Variants in NEUROD2 observed in about 807,000 individuals in gnomAD.
NEUROD2 encodes neuronal differentiation 2.
In NEUROD2, 5 loss-of-function variants were observed where a neutral mutation model predicts 9.3. That is an observed-to-expected ratio of 0.54 (90% CI 0.28 to 1.13). NEUROD2 has a LOEUF of 1.13. Ranked by LOEUF, NEUROD2 falls within the 50% of genes most tolerant of loss-of-function variation. The pLI, the probability that NEUROD2 is intolerant of heterozygous loss-of-function variation, is 0.10. For missense variants in NEUROD2, 376 were observed against 549.2 expected, an observed-to-expected ratio of 0.68 and a Z score of 3.15; for synonymous variants, 277 against 257.3, an observed-to-expected ratio of 1.08 and a Z score of -0.73.
Position 39,606,135 on chromosome 17 carries a change from C to T in NEUROD2, c.465G>A (p.Gln155=). 6.2e-7 allele frequency: 1 copy of T among 1,613,946 alleles called. No individual in the cohort carries two copies. The highest frequency in any genetic ancestry group is 8.5e-7 in the Non-Finnish European group (1 of 1,179,992). ...GCAGCGTCTCGATCTTGGACAGCTT[C>T]TGCGTCTTGGAGTAGCAGGGCACCA... ...RKVVPCYSKT[Q]KLSKIETLRL... The change falls in exon 2 of 2, where the codon CAG becomes CAA. Residue 155 remains glutamine, a synonymous_variant. Coordinates refer to ENST00000302584, the MANE Select transcript of NEUROD2 (RefSeq NM_006160.4). This position sits in a 1 kb window ranked among gnomAD's most constrained non-coding sequence, Gnocchi z 7.8.
In NEUROD2 at chr17:39,606,665, G is replaced by A. The variant is rs2056770213; in HGVS notation, c.-5-61C>T. 1 of 1,427,358 alleles carries A rather than the reference G, an allele frequency of 7.0e-7. No homozygotes were observed. Among genetic ancestry groups the A allele is most frequent in the African/African-American group, 1.5e-5 (1 of 67,158 alleles). 88.4% of individuals were successfully genotyped at this position (1,427,358 alleles called of 1,614,324 possible). ...CAGCACAAAGTGAGGGGCGCGCTGG[G>A]GTACCGACGCCCCCCCACAACCCTC... On this transcript the variant is annotated intron_variant, in intron 1 of 1. Coordinates refer to ENST00000302584, the MANE Select transcript of NEUROD2 (RefSeq NM_006160.4). The surrounding 1 kb of genome is among the most constrained non-coding windows in gnomAD (Gnocchi z 7.8).
In NEUROD2 at chr17:39,606,653, G is replaced by A; in HGVS notation, c.-5-49C>T. 1 of 1,456,614 alleles carries A rather than the reference G, an allele frequency of 6.9e-7. No homozygotes were observed. Among genetic ancestry groups the A allele is most frequent in the Non-Finnish European group, 9.0e-7 (1 of 1,109,218 alleles). The allele number at this position is 1,456,614 out of a possible 1,614,324, so 90.2% of individuals were successfully genotyped here. Reference sequence around the variant, plus strand: ...AGGGGAGACAGACAGCACAAAGTGAGGGGCGCGCTGGGGTACCGACGCCCC... The same window carrying A: ...AGGGGAGACAGACAGCACAAAGTGAAGGGCGCGCTGGGGTACCGACGCCCC... On this transcript the variant is annotated intron_variant, in intron 1 of 1. Transcript: ENST00000302584. The surrounding 1 kb of genome is among the most constrained non-coding windows in gnomAD (Gnocchi z 7.8).
At position 39,605,731 on chromosome 17, in the gene NEUROD2, T is replaced by C; in HGVS notation, c.869A>G (p.Tyr290Cys). The C allele has an allele frequency of 2.0e-6, 3 of 1,531,406 alleles. No homozygotes were observed. Among genetic ancestry groups the C allele is most frequent in the Admixed American group, 2.1e-5 (1 of 47,814 alleles). The allele number at this position is 1,531,406 out of a possible 1,614,324, so 94.9% of individuals were successfully genotyped here. The change falls in exon 2 of 2, where the codon TAC (tyrosine) becomes TGC (cysteine). Residue 290 changes from tyrosine to cysteine, a missense_variant. Tyr to Cys is a radical substitution (Grantham distance 194). Around this residue, in one of 3 missense-constraint regions of NEUROD2, gnomAD observed 193 missense variants for 255.8 expected, o/e 0.75. Transcript: ENST00000302584. The surrounding 1 kb of genome is among the most constrained non-coding windows in gnomAD (Gnocchi z 6.8). ...CGGGCCCTCGTACTCGGAGCTGTTGTAGTCCGGGCTCGCGCCGCCACCGCC... is the reference window on the plus strand; with the variant it reads ...CGGGCCCTCGTACTCGGAGCTGTTGCAGTCCGGGCTCGCGCCGCCACCGCC... ...AAGGGGASPD[Y>C]NSSEYEGPLS...
In NEUROD2 at chr17:39,605,030, G is replaced by T. The variant is rs1269063705; in HGVS notation, c.*421C>A. On this transcript the variant is annotated 3_prime_UTR_variant, in exon 2 of 2. Coordinates refer to ENST00000302584, the MANE Select transcript of NEUROD2 (RefSeq NM_006160.4). This position sits in a 1 kb window ranked among gnomAD's most constrained non-coding sequence, Gnocchi z 6.8. ...CTCCTTTTTGCCTCGGCAGCTGGGT[G>T]TCTGTTTTTAAAATAATAATGAGAG... is the stretch of plus-strand genomic sequence containing the variant. 1 of 154,566 alleles carries T rather than the reference G, an allele frequency of 6.5e-6. No individual in the cohort carries two copies. Among genetic ancestry groups the T allele is most frequent in the African/African-American group, 2.4e-5 (1 of 41,488 alleles). The allele number at this position is 154,566 out of a possible 1,614,324, so 9.6% of individuals were successfully genotyped here.
rs981371381 is a variant in NEUROD2, at chr17:39,606,431, G to A, written c.169C>T (p.Pro57Ser). 2.0e-6 allele frequency: 3 copies of A among 1,522,860 alleles called. No homozygotes were observed. Among genetic ancestry groups the A allele is most frequent in the South Asian group, 1.2e-5 (1 of 80,748 alleles). The allele number at this position is 1,522,860 out of a possible 1,614,324, so 94.3% of individuals were successfully genotyped here. Reference protein sequence around the residue: ...GAPGPARAAKPVPLRGEEGTE... With the variant: ...GAPGPARAAKSVPLRGEEGTE... ...CCCTCTTCTCCACGGAGAGGGACTG[G>A]CTTGGCCGCCCGGGCTGGCCCCGGA... The change falls in exon 2 of 2, where the codon CCA becomes TCA. Residue 57 changes from proline to serine, a missense_variant. By Grantham distance (74) the Pro-to-Ser change is moderately conservative. Transcript: ENST00000302584. This position sits in a 1 kb window ranked among gnomAD's most constrained non-coding sequence, Gnocchi z 7.8.
At position 39,605,568 on chromosome 17, in the gene NEUROD2, G is replaced by A. The variant is rs990661953; in HGVS notation, c.1032C>T (p.Phe344=). 1.2e-6 allele frequency: 2 copies of A among 1,613,804 alleles called. No individual in the cohort carries two copies. The highest frequency in any genetic ancestry group is 8.5e-7 in the Non-Finnish European group (1 of 1,179,902). Residue 344 remains phenylalanine (F), a synonymous_variant, in exon 2 of 2, where the codon TTC becomes TTT. Transcript: ENST00000302584. This position sits in a 1 kb window ranked among gnomAD's most constrained non-coding sequence, Gnocchi z 6.8. ...GSRPTGHGLV[F]GSSAVRGGVH... is the part of the protein sequence containing the mutation. The stretch of plus-strand genomic sequence containing the variant: ...CGCCCCCGCGCACAGCCGACGAGCC[G>A]AAGACTAGCCCGTGGCCCGTGGGCC...
Position 39,607,734 on chromosome 17 carries a change from G to T in NEUROD2, c.-12C>A. The T allele has an allele frequency of 2.2e-6, 1 of 456,586 alleles. No homozygotes were observed. Among genetic ancestry groups the T allele is most frequent in the Non-Finnish European group, 2.9e-6 (1 of 347,638 alleles). 28.3% of individuals were successfully genotyped at this position (456,586 alleles called of 1,614,324 possible). A position where few individuals can be genotyped will look rare whatever the true frequency, so the allele number is the denominator to read the frequency against. On this transcript the variant is annotated 5_prime_UTR_variant, in exon 1 of 2. Coordinates refer to ENST00000302584, the MANE Select transcript of NEUROD2 (RefSeq NM_006160.4). ...TCCCTTTCGGACAACTTACCTCGGA[G>T]AGGAGTCAAGGGGAGAGGGGAGGGG...
At position 39,605,332 on chromosome 17, in the gene NEUROD2, C is replaced by T; in HGVS notation, c.*119G>A. On this transcript the variant is annotated 3_prime_UTR_variant, in exon 2 of 2. Transcript: ENST00000302584. The surrounding 1 kb of genome is among the most constrained non-coding windows in gnomAD (Gnocchi z 6.8). Reference sequence around the variant, plus strand: ...CGCTGCCCCAGGAGAGCGGCAGGACCGGTGGCCCGCTCCCCGCGCCCGGCG... The same window carrying T: ...CGCTGCCCCAGGAGAGCGGCAGGACTGGTGGCCCGCTCCCCGCGCCCGGCG... 1.5e-6 allele frequency: 2 copies of T among 1,333,922 alleles called. No individual in the cohort carries two copies. Among genetic ancestry groups the T allele is most frequent in the Non-Finnish European group, 2.0e-6 (2 of 1,002,216 alleles). 82.6% of individuals were successfully genotyped at this position (1,333,922 alleles called of 1,614,324 possible).
chr17:39,607,599 TC>T (rs2056775107), intron 1 of NEUROD2, 128 bp downstream of exon 1: 1 of 984,156 alleles, frequency 1.0e-6, no homozygotes, highest in Admixed American at 6.2e-5. Flanking sequence ...CTGGGGCCCC[TC>T]CGATGCCCAC....
chr17:39,606,284 G>C lies in NEUROD2; in HGVS notation c.316C>G (p.Pro106Ala). Residue 106 changes from proline (P) to alanine (A), a missense_variant, in exon 2 of 2, where the codon CCC becomes GCC. Physicochemically the swap from Pro to Ala is conservative, Grantham distance 27. Transcript: ENST00000302584. This position sits in a 1 kb window ranked among gnomAD's most constrained non-coding sequence, Gnocchi z 7.8. ...AEGERPKKRG[P>A]KKRKMTKARL... The stretch of plus-strand genomic sequence containing the variant: ...GCCTTGGTCATCTTGCGCTTCTTGG[G>C]CCCGCGCTTCTTGGGCCGCTCGCCC... 6.2e-7 allele frequency: 1 copy of C among 1,608,596 alleles called. No homozygotes were observed. The highest frequency in any genetic ancestry group is 8.5e-7 in the Non-Finnish European group (1 of 1,179,284).
chr17:39,604,277 G>T lies in NEUROD2; in HGVS notation c.*1174C>A, dbSNP rs1379438269. On this transcript the variant is annotated 3_prime_UTR_variant, in exon 2 of 2. Transcript: ENST00000302584. ...GGACGCCGGCGCCGGGCCTGCTTGT[G>T]CGTGCGGTGTGGTGTGCGTGTGTCT... 1 of 152,610 alleles carries T rather than the reference G, an allele frequency of 6.6e-6. No individual in the cohort carries two copies. The highest frequency in any genetic ancestry group is 2.4e-5 in the African/African-American group (1 of 41,366). The allele number at this position is 152,610 out of a possible 1,614,324, so 9.5% of individuals were successfully genotyped here.
Position 39,605,341 on chromosome 17 carries a change from G to T in NEUROD2, c.*110C>A, listed in dbSNP as rs2056762897. The T allele has an allele frequency of 2.9e-6, 4 of 1,384,510 alleles. No individual in the cohort carries two copies. Among genetic ancestry groups the T allele is most frequent in the Admixed American group, 5.6e-5 (2 of 35,598 alleles). 85.8% of individuals were successfully genotyped at this position (1,384,510 alleles called of 1,614,324 possible). On this transcript the variant is annotated 3_prime_UTR_variant, in exon 2 of 2. Transcript: ENST00000302584. The surrounding 1 kb of genome is among the most constrained non-coding windows in gnomAD (Gnocchi z 6.8). ...AGGAGAGCGGCAGGACCGGTGGCCC[G>T]CTCCCCGCGCCCGGCGCCGGGGTAG...
At position 39,606,828 on chromosome 17, in the gene NEUROD2, T is replaced by G; in HGVS notation, c.-5-224A>C. On this transcript the variant is annotated intron_variant, in intron 1 of 1. Coordinates refer to ENST00000302584, the MANE Select transcript of NEUROD2 (RefSeq NM_006160.4). This position sits in a 1 kb window ranked among gnomAD's most constrained non-coding sequence, Gnocchi z 7.8. ...TCGGCCCAGGCCCTCTCCCCGGCGC[T>G]GGGCCCCGGCTCCGCCCCTCGCTTG... 6.2e-6 allele frequency: 3 copies of G among 481,192 alleles called. No homozygotes were observed. The highest frequency in any genetic ancestry group is 3.6e-5 in the East Asian group (1 of 27,438). The allele number at this position is 481,192 out of a possible 1,614,324, so 29.8% of individuals were successfully genotyped here. A position where few individuals can be genotyped will look rare whatever the true frequency, so the allele number is the denominator to read the frequency against.
Position 39,606,950 on chromosome 17 carries a change from C to T in NEUROD2, c.-5-346G>A, listed in dbSNP as rs534805680. 190 of 208,384 alleles carry T rather than the reference C, an allele frequency of 9.1e-4. No homozygotes were observed. Among genetic ancestry groups the T allele is most frequent in the Non-Finnish European group, 7.7e-4 (81 of 105,034 alleles). The allele number at this position is 208,384 out of a possible 1,614,324, so 12.9% of individuals were successfully genotyped here. ...CAGATATCTTTGCCAGGGGAGGCGG[C>T]GCGCTCGCCCTGAAAGCCCGTTCTC... On this transcript the variant is annotated intron_variant, in intron 1 of 1. Transcript: ENST00000302584. This position sits in a 1 kb window ranked among gnomAD's most constrained non-coding sequence, Gnocchi z 7.8.
At position 39,605,607 on chromosome 17, in the gene NEUROD2, C is replaced by T. The variant is rs1715310252; in HGVS notation, c.993G>A (p.Ala331=). 1 of 1,613,574 alleles carries T rather than the reference C, an allele frequency of 6.2e-7. No individual in the cohort carries two copies. The highest frequency in any genetic ancestry group is 1.7e-5 in the Admixed American group (1 of 59,988). The change falls in exon 2 of 2, where the codon GCG becomes GCA. Residue 331 remains alanine (A), a synonymous_variant. Transcript: ENST00000302584. The surrounding 1 kb of genome is among the most constrained non-coding windows in gnomAD (Gnocchi z 6.8). ...GGCCCGTGGGCCGCGAACCGGGCAGCGCCGAGTAGTGCATAGAGTAGTGGT... is the reference window on the plus strand; with the variant it reads ...GGCCCGTGGGCCGCGAACCGGGCAGTGCCGAGTAGTGCATAGAGTAGTGGT... ...KSYHYSMHYS[A]LPGSRPTGHG... is the part of the protein sequence containing the mutation.
At position 39,606,126 on chromosome 17, in the gene NEUROD2, G is replaced by A. The variant is rs1236618833; in HGVS notation, c.474C>T (p.Ser158=). The change falls in exon 2 of 2, where the codon TCC becomes TCT. Residue 158 remains serine, a synonymous_variant. Coordinates refer to ENST00000302584, the MANE Select transcript of NEUROD2 (RefSeq NM_006160.4). The surrounding 1 kb of genome is among the most constrained non-coding windows in gnomAD (Gnocchi z 7.8). The part of the protein sequence containing the change: ...VPCYSKTQKL[S]KIETLRLAKN... ...TGGCTAGGCGCAGCGTCTCGATCTT[G>A]GACAGCTTCTGCGTCTTGGAGTAGC... The A allele has an allele frequency of 3.1e-6, 5 of 1,613,858 alleles. No individual in the cohort carries two copies. Among genetic ancestry groups the A allele is most frequent in the Non-Finnish European group, 4.2e-6 (5 of 1,179,994 alleles).
rs1186275470 is a variant in NEUROD2, at chr17:39,605,450, C to G, written c.*1G>C. 1 of 1,570,394 alleles carries G rather than the reference C, an allele frequency of 6.4e-7. No individual in the cohort carries two copies. Among genetic ancestry groups the G allele is most frequent in the Admixed American group, 1.8e-5 (1 of 54,994 alleles). The stretch of plus-strand genomic sequence containing the variant: ...AAAAAGAAGGGAGCCGGCGCGAAGT[C>G]TCAGTTATGAAAAAACGCATTGAGC... On this transcript the variant is annotated 3_prime_UTR_variant, in exon 2 of 2. Transcript: ENST00000302584. This position sits in a 1 kb window ranked among gnomAD's most constrained non-coding sequence, Gnocchi z 6.8.
chr17:39,607,644 A>G (rs1221308079), intron 1 of NEUROD2, 84 bp downstream of exon 1: 1 of 983,358 alleles, frequency 1.0e-6, no homozygotes, highest in Non-Finnish European at 1.2e-6. Context: ...GGAAGGAGGT[A>G]TTTGAGGACC....
chr17:39,606,448 G>A lies in NEUROD2; in HGVS notation c.152C>T (p.Pro51Leu). 6.6e-7 allele frequency: 1 copy of A among 1,520,774 alleles called. No homozygotes were observed. Among genetic ancestry groups the A allele is most frequent in the South Asian group, 1.2e-5 (1 of 80,814 alleles). 94.2% of individuals were successfully genotyped at this position (1,520,774 alleles called of 1,614,324 possible). The change falls in exon 2 of 2, where the codon CCA becomes CTA. Residue 51 changes from proline to leucine, a missense_variant. Physicochemically the swap from Pro to Leu is moderately conservative, Grantham distance 98. Coordinates refer to ENST00000302584, the MANE Select transcript of NEUROD2 (RefSeq NM_006160.4). This position sits in a 1 kb window ranked among gnomAD's most constrained non-coding sequence, Gnocchi z 7.8. ...PPAPGPGAPG[P>L]ARAAKPVPLR... ...AGGGACTGGCTTGGCCGCCCGGGCT[G>A]GCCCCGGAGCCCCTGGCCCGGGCGC...
Sources: allele counts gnomAD v4.1 joint callset, GRCh38; gene constraint gnomAD v4.1.1; regional missense constraint gnomAD v4.1.1; non-coding constraint Gnocchi (gnomAD v3.1); transcripts MANE v1.5; gene names NCBI Gene and HGNC (gene_info 2026-07-23, HGNC 2026-07-21).